The following SLC4A4 variants were observed in gnomAD, a reference collection of about 807,000 sequenced individuals.
SLC4A4 encodes the protein solute carrier family 4 member 4, also known as electrogenic sodium bicarbonate cotransporter 1.
In SLC4A4, 27 loss-of-function variants were observed where a neutral mutation model predicts 111.5. The observed-to-expected ratio is 0.24, with a 90% confidence interval of 0.18 to 0.33. The LOEUF (loss-of-function observed/expected upper bound fraction) is 0.33, where lower values mean the gene tolerates loss of function less well. Ranked by LOEUF, SLC4A4 falls within the 10% of genes least tolerant of loss-of-function variation. The probability of loss-of-function intolerance (pLI) is 1.00; values close to 1 mark genes in which losing one functional copy is unlikely to be tolerated. For missense variants in SLC4A4, 909 were observed against 1,315.5 expected (o/e 0.69, Z 4.78); for synonymous variants, 443 against 463.4 (o/e 0.96, Z 0.57).
At chr4:71,393,283 A>G (rs1719485272) in intron 6 of SLC4A4, among the ~76,000 whole-genome samples, 2 of 152,186 alleles carry the variant, frequency 1.3e-5, no homozygotes, top group Admixed American at 1.3e-4. Flanking sequence ...CTCCTCCAGA[A>G]AGCTCCTAGA....
chr4:71,313,075 CAA>C (rs776711060), intron 3 of SLC4A4, among the ~76,000 whole-genome samples: 4 of 152,220 alleles, frequency 2.6e-5, no homozygotes, highest in Non-Finnish European at 5.9e-5. Context: ...GGAACTTCAG[CAA>C]AGTCTCAGGA....
chr4:71,492,612 A>C (rs183221505), intron 15 of SLC4A4, among the ~76,000 whole-genome samples: 135 of 152,110 alleles, frequency 8.9e-4, no homozygotes, highest in East Asian at 2.5e-3. Flanking sequence ...TTTAAAACTG[A>C]ATGAAGCATT....
intron 2 of SLC4A4, among the ~76,000 whole-genome samples, chr4:71,099,470 A>G: frequency 6.6e-6 from 1 of 152,298 alleles, no homozygotes; most frequent in East Asian, 1.9e-4. Context: ...ATAGCACTAA[A>G]TATCCATATC....
At chr4:71,423,920 C>T (rs1722814786) in intron 7 of SLC4A4, among the ~76,000 whole-genome samples, 1 of 152,258 alleles carries the variant, frequency 6.6e-6, no homozygotes, top group Admixed American at 6.5e-5. Context: ...CCATTCAGGA[C>T]ATAGGCATGG....
chr4:71,549,339 C>T (rs191479463), intron 20 of SLC4A4, among the ~76,000 whole-genome samples: 54 of 151,904 alleles, frequency 3.6e-4, no homozygotes, highest in South Asian at 3.1e-3. Context: ...GAACCTCATC[C>T]AGTGAGATCA....
At chr4:71,526,940 C>T (rs1733473809) in intron 16 of SLC4A4, among the ~76,000 whole-genome samples, 1 of 152,090 alleles carries the variant, frequency 6.6e-6, no homozygotes, top group Non-Finnish European at 1.5e-5. Flanking sequence ...ATTCTCCTGC[C>T]TCCTTCTTTC....
intron 14 of SLC4A4, among the ~76,000 whole-genome samples, chr4:71,485,946 T>C (rs1006072850): frequency 2.6e-5 from 4 of 151,538 alleles, no homozygotes; most frequent in African/African-American, 9.7e-5. Context: ...TAATGTCAGC[T>C]ATCAAAACCT....
intron 2 of SLC4A4, among the ~76,000 whole-genome samples, chr4:71,169,410 A>G (rs1744877585): frequency 6.6e-6 from 1 of 152,048 alleles, no homozygotes; most frequent in Non-Finnish European, 1.5e-5. Context: ...GGGTGAGCCG[A>G]TATCTCACTG....
At chr4:71,516,832 A>G (rs1732446660) in intron 16 of SLC4A4, among the ~76,000 whole-genome samples, 1 of 152,052 alleles carries the variant, frequency 6.6e-6, no homozygotes, top group African/African-American at 2.4e-5. Flanking sequence ...CTCTAGTCAT[A>G]ATTTTGGTTC....
chr4:71,325,256 T>G (rs1727418174), intron 3 of SLC4A4, among the ~76,000 whole-genome samples: 2 of 151,720 alleles, frequency 1.3e-5, no homozygotes, highest in Non-Finnish European at 2.9e-5. Context: ...AAAAAAAGGT[T>G]GTTCAATGCA....
chr4:71,350,128 T>C, intron 5 of SLC4A4, 56 bp downstream of exon 5: 2 of 1,570,448 alleles, frequency 1.3e-6, no homozygotes, highest in South Asian at 2.2e-5. Flanking sequence ...TAGCCACATG[T>C]CTCCATCAAG....
chr4:71,146,678 A>G (rs1433383624), intron 2 of SLC4A4, among the ~76,000 whole-genome samples: 1 of 152,120 alleles, frequency 6.6e-6, no homozygotes, highest in Non-Finnish European at 1.5e-5. Context: ...CTTCTTGTTG[A>G]ATTGATCCCT....
chr4:71,216,891 A>G (rs974595582), intron 1 of SLC4A4, among the ~76,000 whole-genome samples: 12 of 152,194 alleles, frequency 7.9e-5, no homozygotes, highest in African/African-American at 2.7e-4. Context: ...TATGCTAAGT[A>G]TCTACCACGC....
chr4:71,392,915 AT>A (rs1284997258), intron 6 of SLC4A4, among the ~76,000 whole-genome samples: 2 of 152,258 alleles, frequency 1.3e-5, no homozygotes, highest in East Asian at 3.9e-4. Flanking sequence ...AACAAAAAAA[AT>A]CACATGATCA....
At chr4:71,463,301 T>C (rs1245826215) in intron 12 of SLC4A4, among the ~76,000 whole-genome samples, 1 of 152,208 alleles carries the variant, frequency 6.6e-6, no homozygotes, top group African/African-American at 2.4e-5. Context: ...TTTTCCTTTT[T>C]GTATGAGTGA....
chr4:71,328,337 G>A (rs1727665150), intron 3 of SLC4A4, among the ~76,000 whole-genome samples: 1 of 152,048 alleles, frequency 6.6e-6, no homozygotes, highest in African/African-American at 2.4e-5. Flanking sequence ...TTTCTTTTGA[G>A]CATATACCTA....
intron 6 of SLC4A4, among the ~76,000 whole-genome samples, chr4:71,384,989 G>A (rs1407705467): frequency 6.6e-6 from 1 of 150,984 alleles, no homozygotes; most frequent in Non-Finnish European, 1.5e-5. Context: ...TAACAAAACT[G>A]CACGTTCTGC....
chr4:71,158,142 T>C (rs1238110110), intron 2 of SLC4A4, among the ~76,000 whole-genome samples: 1 of 141,482 alleles, frequency 7.1e-6, no homozygotes, highest in Non-Finnish European at 1.5e-5. Context: ...TGTGTGTGTG[T>C]CTCTCTCTCT....
At chr4:71,350,098 C>T (rs766069840) in intron 5 of SLC4A4, 26 bp downstream of exon 5, 57 of 1,613,342 alleles carry the variant, frequency 3.5e-5, no homozygotes, top group Non-Finnish European at 4.6e-5. Context: ...GAATTTTATC[C>T]TATTTTTTTC....
Sources: allele counts gnomAD v4.1 joint callset (sites outside exome capture counted in the v4.1 genomes callset), GRCh38; gene constraint gnomAD v4.1.1; transcripts MANE v1.5; gene names NCBI Gene and HGNC (gene_info 2026-07-23, HGNC 2026-07-21).